The following GALNT13 variants were observed in gnomAD, a reference collection of about 807,000 sequenced individuals.
GALNT13 encodes UDP-GalNAc:polypeptide N-acetylgalactosaminyltransferase 13.
GALNT13 carries 28 observed loss-of-function variants against 64.2 expected under a neutral mutation model. The observed-to-expected ratio is 0.44, with a 90% CI of 0.32 to 0.60. The LOEUF (loss-of-function observed/expected upper bound fraction) is 0.60, where lower values mean the gene tolerates loss of function less well. Among genes scored for constraint, GALNT13 ranks in the 20% least tolerant of loss-of-function variants. The pLI, the probability that GALNT13 is intolerant of heterozygous loss-of-function variation, is 0.05. For missense variants in GALNT13, 577 were observed against 669.8 expected, an observed-to-expected ratio of 0.86 and a Z score of 1.53; for synonymous variants, 214 against 224.6, an observed-to-expected ratio of 0.95 and a Z score of 0.42.
the GALNT13 span, among the ~76,000 whole-genome samples, chr2:153,101,298 G>T: frequency 6.6e-6 from 1 of 152,006 alleles, no homozygotes; most frequent in Non-Finnish European, 1.5e-5. Context: ...GATTCTCCCA[G>T]GCCATGGCAT....
chr2:153,950,181 C>T (rs988454162), intron 3 of GALNT13, among the ~76,000 whole-genome samples: 3 of 151,586 alleles, frequency 2.0e-5, no homozygotes, highest in Non-Finnish European at 4.4e-5. Flanking sequence ...AAAGCAAACG[C>T]AACTGACCAA....
chr2:153,293,767 G>C, the GALNT13 span, among the ~76,000 whole-genome samples: 4 of 107,066 alleles, frequency 3.7e-5, no homozygotes, highest in African/African-American at 1.8e-4. Flanking sequence ...CTGTTTGTGT[G>C]TGTGTGTGTG....
At chr2:153,724,182 C>T in the GALNT13 span, among the ~76,000 whole-genome samples, 53 of 142,114 alleles carry the variant, frequency 3.7e-4, no homozygotes, top group Middle Eastern at 3.4e-3. Flanking sequence ...TTTGACAAAC[C>T]GGAGAAAAAC....
At chr2:153,958,868 T>C (rs1692752028) in intron 3 of GALNT13, among the ~76,000 whole-genome samples, 1 of 152,198 alleles carries the variant, frequency 6.6e-6, no homozygotes, top group Admixed American at 6.5e-5. Context: ...TCAGAGGCCC[T>C]GAATTGCAGG....
chr2:153,100,521 CT>C, the GALNT13 span, among the ~76,000 whole-genome samples: 1 of 152,198 alleles, frequency 6.6e-6, no homozygotes, highest in Admixed American at 6.5e-5. Flanking sequence ...TAAGGAATTA[CT>C]CTCCTTAAAT....
the GALNT13 span, among the ~76,000 whole-genome samples, chr2:153,444,135 T>G: frequency 6.6e-6 from 1 of 152,152 alleles, no homozygotes; most frequent in African/African-American, 2.4e-5. Context: ...ATCTATCCAT[T>G]TATTCATCTA....
the GALNT13 span, among the ~76,000 whole-genome samples, chr2:153,271,038 G>A: frequency 6.6e-6 from 1 of 152,058 alleles, no homozygotes; most frequent in Non-Finnish European, 1.5e-5. Context: ...CTCAATAGAT[G>A]TAGAAAAGGC....
At chr2:153,495,705 A>G in the GALNT13 span, among the ~76,000 whole-genome samples, 1 of 152,218 alleles carries the variant, frequency 6.6e-6, no homozygotes, top group African/African-American at 2.4e-5. Context: ...AATGCAAACT[A>G]CTAATCTATC....
chr2:154,227,490 C>G (rs1206039449), intron 4 of GALNT13, among the ~76,000 whole-genome samples: 1 of 111,856 alleles, frequency 8.9e-6, no homozygotes, highest in African/African-American at 3.4e-5. Context: ...CTCCCCCCAC[C>G]CCACAACAGG....
At chr2:153,520,230 T>A in the GALNT13 span, among the ~76,000 whole-genome samples, 1 of 152,196 alleles carries the variant, frequency 6.6e-6, no homozygotes, top group African/African-American at 2.4e-5. Flanking sequence ...CCTTAAGGAA[T>A]GGATAATTGT....
chr2:153,105,914 G>A, the GALNT13 span, among the ~76,000 whole-genome samples: 2 of 151,936 alleles, frequency 1.3e-5, no homozygotes, highest in Non-Finnish European at 2.9e-5. Flanking sequence ...TACCATCTAT[G>A]CTTTCTTTTT....
intron 3 of GALNT13, among the ~76,000 whole-genome samples, chr2:154,100,975 T>G (rs1391449734): frequency 1.3e-5 from 2 of 152,156 alleles, no homozygotes; most frequent in Non-Finnish European, 2.9e-5. Context: ...GTATGGTTTT[T>G]GTTTCTAATC....
the GALNT13 span, among the ~76,000 whole-genome samples, chr2:153,540,077 T>C: frequency 6.6e-6 from 1 of 152,204 alleles, no homozygotes; most frequent in Non-Finnish European, 1.5e-5. Flanking sequence ...CAGGGACCTT[T>C]ATGGCAGCCT....
the GALNT13 span, among the ~76,000 whole-genome samples, chr2:153,604,761 T>G: frequency 1.3e-5 from 2 of 152,180 alleles, no homozygotes; most frequent in African/African-American, 2.4e-5. Context: ...AATATGACAT[T>G]ATTTTATTAA....
At chr2:153,970,486 T>C (rs768811912) in intron 3 of GALNT13, among the ~76,000 whole-genome samples, 1 of 152,208 alleles carries the variant, frequency 6.6e-6, no homozygotes, top group Admixed American at 6.5e-5. Context: ...TAGATTTATC[T>C]GTTCTTTTTC....
At chr2:153,225,872 C>A in the GALNT13 span, among the ~76,000 whole-genome samples, 1 of 151,976 alleles carries the variant, frequency 6.6e-6, no homozygotes, top group Non-Finnish European at 1.5e-5. Context: ...ACTCAATATT[C>A]ATAACGTGTC....
intron 8 of GALNT13, among the ~76,000 whole-genome samples, chr2:154,277,986 G>A (rs1691742837): frequency 6.6e-6 from 1 of 151,958 alleles, no homozygotes; most frequent in Non-Finnish European, 1.5e-5. Context: ...TCAAAGTTTT[G>A]GCAACATTTT....
At chr2:153,592,517 A>G in the GALNT13 span, among the ~76,000 whole-genome samples, 2 of 152,222 alleles carry the variant, frequency 1.3e-5, no homozygotes, top group African/African-American at 4.8e-5. Flanking sequence ...TTCAGCCATA[A>G]AAGAATGAAA....
chr2:153,332,534 GT>G, the GALNT13 span, among the ~76,000 whole-genome samples: 3,643 of 136,214 alleles, frequency 0.027, 76 homozygotes, highest in East Asian at 0.12. Context: ...TGAGAGTATT[GT>G]TTTTTTTTTT....
Sources: gnomAD v4.1 joint callset for allele counts (sites outside exome capture counted in the v4.1 genomes callset) on GRCh38, gnomAD v4.1.1 for gene constraint, MANE v1.5 for transcripts, NCBI Gene and HGNC (gene_info 2026-07-23, HGNC 2026-07-21) for gene names.